Variants in GLIS3 observed in about 807,000 individuals in gnomAD.
GLIS3 encodes the protein zinc finger protein GLIS3.
GLIS3 carries 53 observed loss-of-function variants against 78.6 expected under a neutral mutation model. The observed-to-expected ratio is 0.67, with a 90% CI of 0.54 to 0.85. The LOEUF is 0.85. Ranked by LOEUF, GLIS3 falls within the 40% of genes least tolerant of loss-of-function variation. GLIS3 has a pLI of 0.00. For synonymous variants in GLIS3, 684 were observed against 509.9 expected (o/e 1.34, Z -4.60); for missense variants, 1,703 against 1,231.1 (o/e 1.38, Z -5.74).
intron 6 of GLIS3, among the ~76,000 whole-genome samples, chr9:3,918,609 C>G (rs1368335806): frequency 6.6e-6 from 1 of 152,080 alleles, no homozygotes; most frequent in Non-Finnish European, 1.5e-5. Context: ...AGACTCTGAC[C>G]CAGGAGTCTC....
chr9:4,241,691 T>G (rs899646154), intron 2 of GLIS3, among the ~76,000 whole-genome samples: 7 of 152,160 alleles, frequency 4.6e-5, no homozygotes, highest in African/African-American at 1.7e-4. Flanking sequence ...GTTTTGTTTT[T>G]TTTGAGATAC....
intron 2 of GLIS3, among the ~76,000 whole-genome samples, chr9:4,206,189 T>C (rs928322729): frequency 3.3e-5 from 5 of 152,336 alleles, no homozygotes; most frequent in African/African-American, 1.2e-4. Context: ...AAAGGGAATC[T>C]TAATAGTGAC....
intron 2 of GLIS3, among the ~76,000 whole-genome samples, chr9:4,340,751 A>C (rs1817822378): frequency 6.6e-6 from 1 of 152,152 alleles, no homozygotes; most frequent in Non-Finnish European, 1.5e-5. Context: ...GCTGGAGTTC[A>C]GTGGCACTAT....
the GLIS3 span, among the ~76,000 whole-genome samples, chr9:4,384,018 T>C: frequency 3.3e-5 from 5 of 152,216 alleles, no homozygotes; most frequent in South Asian, 2.1e-4. Flanking sequence ...TTGTGTGCCA[T>C]TGGCTGCCAA....
chr9:4,371,490 G>C, the GLIS3 span, among the ~76,000 whole-genome samples: 1 of 152,104 alleles, frequency 6.6e-6, no homozygotes, highest in African/African-American at 2.4e-5. Context: ...TTGGAGTCTT[G>C]TTCACAAATC....
intron 4 of GLIS3, among the ~76,000 whole-genome samples, chr9:4,021,888 C>T (rs1022249478): frequency 2.2e-4 from 33 of 152,144 alleles, no homozygotes; most frequent in African/African-American, 7.0e-4. Context: ...ATTTGAAGCT[C>T]CCCCAGCGGT....
At chr9:4,077,788 T>G (rs914038938) in intron 4 of GLIS3, among the ~76,000 whole-genome samples, 1 of 152,170 alleles carries the variant, frequency 6.6e-6, no homozygotes, top group Non-Finnish European at 1.5e-5. Flanking sequence ...GCAGCAGCAG[T>G]GGATTCCAGT....
chr9:3,950,510 G>C (rs939154444), intron 4 of GLIS3, among the ~76,000 whole-genome samples: 1 of 152,150 alleles, frequency 6.6e-6, no homozygotes, highest in African/African-American at 2.4e-5. Context: ...AGGGCACCAT[G>C]CCCCTTCCCA....
intron 6 of GLIS3, among the ~76,000 whole-genome samples, chr9:3,905,492 G>T (rs1410791423): frequency 6.6e-6 from 1 of 152,084 alleles, no homozygotes; most frequent in Admixed American, 6.5e-5. Context: ...ACTTCTGTTT[G>T]GTTTTCACTG....
chr9:4,298,470 G>C lies in GLIS3; in HGVS notation c.-99+951C>G, dbSNP rs760324149. Reference sequence around the variant, plus strand: ...GACTTCCCGGTCCCCGAGGTGACTTGTCAGCTCCAGTGAGTAACTTGGAAC... The same window carrying C: ...GACTTCCCGGTCCCCGAGGTGACTTCTCAGCTCCAGTGAGTAACTTGGAAC... On this transcript the variant is annotated intron_variant, in intron 1 of 10. Coordinates refer to ENST00000381971, the MANE Select transcript of GLIS3 (RefSeq NM_001042413.2). 8.9e-6 allele frequency: 4 copies of C among 448,754 alleles called. No individual in the cohort carries two copies. The East Asian group carries it at 3.0e-4, about 34-fold the overall frequency. 27.8% of individuals were successfully genotyped at this position (448,754 alleles called of 1,614,324 possible).
chr9:3,870,674 G>A (rs1312947377), intron 8 of GLIS3, among the ~76,000 whole-genome samples: 1 of 152,218 alleles, frequency 6.6e-6, no homozygotes, highest in East Asian at 1.9e-4. Context: ...CATGAGAACA[G>A]TATGAGGGAA....
rs184873064 is a variant in GLIS3, at chr9:4,039,185, T to A, written c.1710+78583A>T. On this transcript the variant is annotated intron_variant, in intron 4 of 10. Transcript: ENST00000381971. The stretch of plus-strand genomic sequence containing the variant: ...TCTACCCATTTCATATGGAATTTAA[T>A]AGGGCACCTGGTTATTCTCTGGAGA... Among the ~76,000 whole-genome samples, 3 of 152,326 alleles carry A rather than the reference T, an allele frequency of 2.0e-5. No individual in the cohort carries two copies. In the East Asian group the frequency reaches 5.8e-4, roughly 29 times the overall value.
At chr9:3,974,896 A>T (rs938928104) in intron 4 of GLIS3, among the ~76,000 whole-genome samples, 4 of 152,060 alleles carry the variant, frequency 2.6e-5, no homozygotes, top group Non-Finnish European at 1.5e-5. Flanking sequence ...AGGAATCAAA[A>T]AGCACCAGAA....
At chr9:4,476,696 G>GT in the GLIS3 span, among the ~76,000 whole-genome samples, 147 of 148,072 alleles carry the variant, frequency 9.9e-4, no homozygotes, top group Middle Eastern at 3.5e-3. Context: ...TATGGGTCTT[G>GT]TTTTTTTTTT....
the GLIS3 span, among the ~76,000 whole-genome samples, chr9:4,435,970 A>AAACAT: frequency 6.6e-6 from 1 of 152,056 alleles, no homozygotes; most frequent in Non-Finnish European, 1.5e-5. Flanking sequence ...AAACAAAACA[A>AAACAT]AACAAAAACA....
chr9:4,368,504 C>T, the GLIS3 span, among the ~76,000 whole-genome samples: 10 of 152,270 alleles, frequency 6.6e-5, no homozygotes, highest in South Asian at 1.7e-3. Flanking sequence ...ACCACCACCA[C>T]GCCCGGCTAA....
the GLIS3 span, among the ~76,000 whole-genome samples, chr9:4,462,730 A>T: frequency 6.6e-6 from 1 of 152,118 alleles, no homozygotes; most frequent in Non-Finnish European, 1.5e-5. Flanking sequence ...AGATTGCTTC[A>T]ACCCAGAAGT....
At chr9:4,255,911 T>C (rs908152089) in intron 2 of GLIS3, among the ~76,000 whole-genome samples, 12 of 152,210 alleles carry the variant, frequency 7.9e-5, no homozygotes, top group Non-Finnish European at 2.9e-5. Context: ...ACGAGTGTAC[T>C]ACTCTGTGGG....
intron 8 of GLIS3, among the ~76,000 whole-genome samples, chr9:3,875,785 G>A (rs1218498909): frequency 6.6e-6 from 1 of 152,148 alleles, no homozygotes; most frequent in Non-Finnish European, 1.5e-5. Flanking sequence ...TGGGGCACAC[G>A]TCCAGTAGGG....
Sources: allele counts gnomAD v4.1 joint callset (sites outside exome capture counted in the v4.1 genomes callset), GRCh38; gene constraint gnomAD v4.1.1; transcripts MANE v1.5; gene names NCBI Gene and HGNC (gene_info 2026-07-23, HGNC 2026-07-21).